Variants in TOM1L1 observed in about 807,000 individuals in gnomAD.
The protein encoded by TOM1L1 is TOM1-like protein 1.
A neutral mutation model predicts 63.4 loss-of-function variants in TOM1L1; 64 were observed. That is an observed-to-expected ratio of 1.01 (90% CI 0.83 to 1.24). The LOEUF (loss-of-function observed/expected upper bound fraction) is 1.24, where lower values mean the gene tolerates loss of function less well. Among genes scored for constraint, TOM1L1 ranks in the 50% most tolerant of loss-of-function variants. The pLI, the probability that TOM1L1 is intolerant of heterozygous loss-of-function variation, is 0.00. For synonymous variants in TOM1L1, 166 were observed against 194.4 expected (o/e 0.85, Z 1.22); for missense variants, 536 against 567.0 (o/e 0.95, Z 0.55).
intron 7 of TOM1L1, among the ~76,000 whole-genome samples, chr17:54,921,615 A>G (rs771579065): frequency 6.6e-6 from 1 of 151,848 alleles, no homozygotes; most frequent in Non-Finnish European, 1.5e-5. Flanking sequence ...GTGGGCGCCT[A>G]TAATCCCAGC....
chr17:54,900,982 C>T, intron 1 of TOM1L1, 59 bp downstream of exon 1: 3 of 1,607,822 alleles, frequency 1.9e-6, no homozygotes, highest in East Asian at 2.2e-5. Flanking sequence ...TCCTTTCCTG[C>T]TTGATCCATT....
Position 54,913,792 on chromosome 17 carries a change from C to G in TOM1L1, c.417C>G (p.Val139=). Residue 139 remains valine, a synonymous_variant, in exon 5 of 16, where the codon GTC becomes GTG. Transcript: ENST00000575882. ...CAGGAGGTGTGGATGTAAGCGAAGT[C>G]AAAGAAGTATACCTCGACCTGGTTA... ...GFPGGVDVSE[V]KEVYLDLVKK... 6.2e-7 allele frequency: 1 copy of G among 1,611,378 alleles called. No homozygotes were observed. The highest frequency in any genetic ancestry group is 8.5e-7 in the Non-Finnish European group (1 of 1,178,474).
Position 54,912,823 on chromosome 17 carries a change from T to G in TOM1L1, c.372+8T>G. ...ATCTTGAATTTCATTAAGGTAAGTCTGTTGTATACCTCATGGGATGGTAAA... is the reference window on the plus strand; with the variant it reads ...ATCTTGAATTTCATTAAGGTAAGTCGGTTGTATACCTCATGGGATGGTAAA... On this transcript the variant is annotated splice_region_variant and intron_variant, in intron 4 of 15. Transcript: ENST00000575882. 1 of 1,585,104 alleles carries G rather than the reference T, an allele frequency of 6.3e-7. No homozygotes were observed. The highest frequency in any genetic ancestry group is 8.5e-7 in the Non-Finnish European group (1 of 1,170,000).
chr17:54,932,507 A>G (rs2048880127), intron 8 of TOM1L1, among the ~76,000 whole-genome samples: 1 of 152,076 alleles, frequency 6.6e-6, no homozygotes, highest in Non-Finnish European at 1.5e-5. Flanking sequence ...AATTGGGCAT[A>G]AGACAATATG....
intron 2 of TOM1L1, 149 bp from the exon 3 acceptor site, chr17:54,905,340 G>C: frequency 3.5e-6 from 2 of 576,122 alleles, no homozygotes; most frequent in Non-Finnish European, 6.2e-6. Context: ...AAGAAGTTAA[G>C]TCATTCGCAT....
At chr17:54,911,863 TAACA>T (rs559336462) in intron 3 of TOM1L1, among the ~76,000 whole-genome samples, 13 of 152,302 alleles carry the variant, frequency 8.5e-5, no homozygotes, top group African/African-American at 2.6e-4. Context: ...GGTGACAAAC[TAACA>T]GAGACCCTCC....
intron 7 of TOM1L1, among the ~76,000 whole-genome samples, chr17:54,929,756 T>TTTTTTC (rs1555610156): frequency 1.3e-5 from 2 of 151,590 alleles, no homozygotes; most frequent in South Asian, 4.2e-4. Flanking sequence ...TTTTTTTTTT[T>TTTTTTC]CCCCAACATG....
intron 14 of TOM1L1, among the ~76,000 whole-genome samples, chr17:54,955,940 G>A (rs2049478163): frequency 6.6e-6 from 1 of 152,134 alleles, no homozygotes; most frequent in African/African-American, 2.4e-5. Flanking sequence ...GGGGTCCCAA[G>A]GCCCTTCTCT....
chr17:54,956,354 A>C (rs2144044688), intron 14 of TOM1L1, among the ~76,000 whole-genome samples: 1 of 151,882 alleles, frequency 6.6e-6, no homozygotes, highest in African/African-American at 2.4e-5. Flanking sequence ...ATTAGGCTGG[A>C]GTATAGTGGG....
At chr17:54,904,563 G>A (rs944829977) in intron 2 of TOM1L1, among the ~76,000 whole-genome samples, 2 of 151,922 alleles carry the variant, frequency 1.3e-5, no homozygotes, top group African/African-American at 4.8e-5. Flanking sequence ...TTTCCTCCCT[G>A]TCCCAGGACA....
intron 6 of TOM1L1, 53 bp downstream of exon 6, chr17:54,914,796 A>G (rs1299561225): frequency 7.2e-7 from 1 of 1,379,538 alleles, no homozygotes; most frequent in Admixed American, 1.7e-5. Flanking sequence ...ATTTGTAAGC[A>G]CCTTATATAC....
rs565797201 is a variant in TOM1L1, at chr17:54,919,326, C to A, written c.720+3464C>A. Among the ~76,000 whole-genome samples the A allele has an allele frequency of 3.3e-5, 5 of 152,228 alleles. No homozygotes were observed. The East Asian group carries it at 9.6e-4, about 29-fold the overall frequency. On this transcript the variant is annotated intron_variant, in intron 7 of 15. Transcript: ENST00000575882. ...AATAGCCACAGCAATATTTCTAGTTCCACCTGGTCTTCCTGGGCCTTTCAG... is the reference window on the plus strand; with the variant it reads ...AATAGCCACAGCAATATTTCTAGTTACACCTGGTCTTCCTGGGCCTTTCAG...
At chr17:54,907,403 A>G (rs2048429776) in intron 3 of TOM1L1, among the ~76,000 whole-genome samples, 1 of 152,228 alleles carries the variant, frequency 6.6e-6, no homozygotes, top group Admixed American at 6.5e-5. Flanking sequence ...TGGCTATTAC[A>G]TAGCATAGGC....
chr17:54,904,448 A>T (rs2143725159), intron 2 of TOM1L1, among the ~76,000 whole-genome samples: 1 of 152,090 alleles, frequency 6.6e-6, no homozygotes, highest in East Asian at 1.9e-4. Flanking sequence ...CAGTGCCAGT[A>T]TTTGATGAAA....
chr17:54,927,080 A>G (rs992939936), intron 7 of TOM1L1, among the ~76,000 whole-genome samples: 2 of 152,204 alleles, frequency 1.3e-5, no homozygotes, highest in African/African-American at 4.8e-5. Flanking sequence ...TATGCTGACA[A>G]TTTGTCATTT....
At chr17:54,944,438 A>G (rs2049084424) in intron 11 of TOM1L1, among the ~76,000 whole-genome samples, 1 of 136,262 alleles carries the variant, frequency 7.3e-6, no homozygotes, top group South Asian at 2.4e-4. Flanking sequence ...CGACACAGCA[A>G]GACTCTATCT....
At chr17:54,913,939 A>G in intron 5 of TOM1L1, 66 bp downstream of exon 5, 6 of 1,511,438 alleles carry the variant, frequency 4.0e-6, no homozygotes, top group Non-Finnish European at 5.3e-6. Context: ...TTCTCATTAC[A>G]GGAGACAACC....
At chr17:54,948,508 C>T (rs1329889912) in intron 12 of TOM1L1, among the ~76,000 whole-genome samples, 1 of 152,192 alleles carries the variant, frequency 6.6e-6, no homozygotes, top group Non-Finnish European at 1.5e-5. Context: ...CCAGTAACCA[C>T]AAGACTCACT....
intron 14 of TOM1L1, chr17:54,957,878 G>T (rs1485940415): frequency 1.3e-5 from 2 of 152,174 alleles, no homozygotes; most frequent in Non-Finnish European, 2.9e-5. Flanking sequence ...GTTAAACGTA[G>T]TATGGATACA....
Sources: gnomAD v4.1 joint callset for allele counts (sites outside exome capture counted in the v4.1 genomes callset) on GRCh38, gnomAD v4.1.1 for gene constraint, MANE v1.5 for transcripts, NCBI Gene and HGNC (gene_info 2026-07-23, HGNC 2026-07-21) for gene names.